UNC5A: variants seen among roughly 807,000 people sequenced by gnomAD.
The protein encoded by UNC5A is unc-5 netrin receptor A.
A neutral mutation model predicts 87.4 loss-of-function variants in UNC5A; 20 were observed. The observed-to-expected ratio is 0.23, with a 90% CI of 0.16 to 0.33. The LOEUF (loss-of-function observed/expected upper bound fraction) is 0.33, where lower values mean the gene tolerates loss of function less well. UNC5A is among the 10% of genes least tolerant of loss of function. The pLI is 1.00. For missense variants in UNC5A, 844 were observed against 1,133.4 expected, an observed-to-expected ratio of 0.74 and a Z score of 3.67; for synonymous variants, 438 against 482.3, an observed-to-expected ratio of 0.91 and a Z score of 1.20.
At chr5:176,867,277 C>G (rs922471616) in intron 2 of UNC5A, among the ~76,000 whole-genome samples, 1 of 152,138 alleles carries the variant, frequency 6.6e-6, no homozygotes, top group Non-Finnish European at 1.5e-5. Flanking sequence ...GCTGCCCCCG[C>G]TCCTGAGTTG....
intron 1 of UNC5A, among the ~76,000 whole-genome samples, chr5:176,839,898 C>A (rs1488951651): frequency 1.3e-5 from 2 of 151,028 alleles, no homozygotes. Context: ...CTCACTGCAG[C>A]CTCCACCTCC....
chr5:176,826,636 C>CTTTTTT (rs34466725), intron 1 of UNC5A, among the ~76,000 whole-genome samples: 1 of 72,744 alleles, frequency 1.4e-5, no homozygotes, highest in African/African-American at 4.5e-5. Flanking sequence ...AGTTTCCAAA[C>CTTTTTT]TTTTTTTTTT....
intron 1 of UNC5A, among the ~76,000 whole-genome samples, chr5:176,812,182 C>T (rs925453242): frequency 1.6e-4 from 25 of 152,120 alleles, no homozygotes; most frequent in African/African-American, 4.8e-4. Flanking sequence ...TGTCCGTGTC[C>T]GCCACATGTG....
chr5:176,834,723 C>T (rs1012563149), intron 1 of UNC5A, among the ~76,000 whole-genome samples: 16 of 149,994 alleles, frequency 1.1e-4, no homozygotes, highest in Non-Finnish European at 1.8e-4. Context: ...GTCTCTCTCT[C>T]CCTCCTCTCC....
In UNC5A at chr5:176,848,325, G is replaced by C. The variant is rs906437910; in HGVS notation, c.71-14299G>C. 6.6e-6 allele frequency among the ~76,000 whole-genome samples: 1 copy of C among 152,112 alleles called. No individual in the cohort carries two copies. The highest frequency in any genetic ancestry group is 2.4e-5 in the African/African-American group (1 of 41,400). On this transcript the variant is annotated intron_variant, in intron 1 of 14. Coordinates refer to ENST00000329542, the MANE Select transcript of UNC5A (RefSeq NM_133369.3). The surrounding 1 kb of genome is among the most constrained non-coding windows in gnomAD (Gnocchi z 5.8). ...AGGGATCTGAGGCCCTGGGACTCAG[G>C]GCCCAGACAGGGCAGCGGCTCATCT...
At chr5:176,852,336 AAC>A (rs966125804) in intron 1 of UNC5A, among the ~76,000 whole-genome samples, 4 of 150,996 alleles carry the variant, frequency 2.6e-5, no homozygotes, top group Admixed American at 1.3e-4. Flanking sequence ...CACACACAGA[AAC>A]ACACACAGAA....
At chr5:176,855,345 C>T (rs1040443075) in intron 1 of UNC5A, among the ~76,000 whole-genome samples, 4 of 152,228 alleles carry the variant, frequency 2.6e-5, no homozygotes, top group African/African-American at 7.2e-5. Flanking sequence ...AAAAACCCGA[C>T]CAAGATGCTG....
chr5:176,864,780 T>C (rs1481465697), intron 2 of UNC5A: 1 of 455,190 alleles, frequency 2.2e-6, no homozygotes, highest in Admixed American at 2.4e-5. Flanking sequence ...AGTTATGCTC[T>C]CAGGGCAGTG....
chr5:176,810,960 G>A lies in UNC5A; in HGVS notation c.70+140G>A, dbSNP rs1399123955. The A allele has an allele frequency of 1.5e-6, 1 of 688,382 alleles. No individual in the cohort carries two copies. Among genetic ancestry groups the A allele is most frequent in the Non-Finnish European group, 1.9e-6 (1 of 526,568 alleles). The allele number at this position is 688,382 out of a possible 1,614,324, so 42.6% of individuals were successfully genotyped here. On this transcript the variant is annotated intron_variant, in intron 1 of 14. Transcript: ENST00000329542. This position sits in a 1 kb window ranked among gnomAD's most constrained non-coding sequence, Gnocchi z 7.3. ...GCCAAACTTTGCGAGGCGGGACGCG[G>A]GGGGCTCTTCTTGCTGCTGCGCAGC...
At chr5:176,833,474 T>G (rs1757072667) in intron 1 of UNC5A, among the ~76,000 whole-genome samples, 1 of 152,236 alleles carries the variant, frequency 6.6e-6, no homozygotes, top group African/African-American at 2.4e-5. Flanking sequence ...CATGATTTCA[T>G]TCTTTTTTAT....
Position 176,879,855 on chromosome 5 carries a change from G to A in UNC5A, c.2498G>A (p.Gly833Asp). The A allele has an allele frequency of 6.2e-7, 1 of 1,612,272 alleles. No homozygotes were observed. The highest frequency in any genetic ancestry group is 1.1e-5 in the South Asian group (1 of 91,058). ...GCTGGACTGGGCCAGCCAGACGCTG[G>A]CCTCTTCACAGTGTCGGAGGCTGAG... ...AVAGLGQPDAGLFTVSEAEC is the reference protein window; with the variant it reads ...AVAGLGQPDADLFTVSEAEC The change falls in exon 15 of 15, where the codon GGC (glycine) becomes GAC (aspartate). Residue 833 changes from glycine to aspartate, a missense_variant. This residue lies in a region of UNC5A where 177 missense variants were observed against 279.4 expected (regional missense o/e 0.63). Coordinates refer to ENST00000329542, the MANE Select transcript of UNC5A (RefSeq NM_133369.3).
intron 1 of UNC5A, 58 bp from the exon 2 acceptor site, chr5:176,862,566 T>C: frequency 6.5e-7 from 1 of 1,528,514 alleles, no homozygotes. Context: ...GCTGAGCCGC[T>C]GCCTCTACCC....
Position 176,879,701 on chromosome 5 carries a change from G to A in UNC5A, c.2364-20G>A, listed in dbSNP as rs200680487. The A allele has an allele frequency of 1.7e-5, 28 of 1,609,726 alleles. No individual in the cohort carries two copies. Among genetic ancestry groups the A allele is most frequent in the African/African-American group, 2.7e-5 (2 of 74,930 alleles). On this transcript the variant is annotated intron_variant, in intron 14 of 14. Transcript: ENST00000329542. ...GCTGGGGCCAGGCCAGGCTGCTGAC[G>A]GCCCCCCTCCCCTCCACAGCCATCT...
At chr5:176,818,833 C>T (rs1274809383) in intron 1 of UNC5A, among the ~76,000 whole-genome samples, 2 of 152,174 alleles carry the variant, frequency 1.3e-5, no homozygotes, top group East Asian at 3.8e-4. Flanking sequence ...GCCTCCTGAC[C>T]CCACCTAGTG....
intron 1 of UNC5A, among the ~76,000 whole-genome samples, chr5:176,833,103 C>T (rs1757066135): frequency 6.6e-6 from 1 of 152,310 alleles, no homozygotes; most frequent in East Asian, 1.9e-4. Flanking sequence ...CCTCTCAGGC[C>T]GAGGCCAAGT....
At chr5:176,817,286 T>A (rs1406353214) in intron 1 of UNC5A, among the ~76,000 whole-genome samples, 1 of 56,548 alleles carries the variant, frequency 1.8e-5, no homozygotes. Context: ...GGGGAGGGGG[T>A]GGGGGGAAGG....
chr5:176,834,084 C>T (rs1257772301), intron 1 of UNC5A, among the ~76,000 whole-genome samples: 2 of 152,180 alleles, frequency 1.3e-5, no homozygotes. Context: ...CTGTGCTGGG[C>T]TCTAAGCTGG....
intron 1 of UNC5A, among the ~76,000 whole-genome samples, chr5:176,828,176 A>G (rs1351460055): frequency 6.6e-6 from 1 of 152,178 alleles, no homozygotes; most frequent in Non-Finnish European, 1.5e-5. Flanking sequence ...ATGCGGCTAC[A>G]AACAATGCGG....
Position 176,877,627 on chromosome 5 carries a change from T to C in UNC5A, c.1559T>C (p.Met520Thr). ...CTCACCCGGCCAGTCATCCTGGCTATGGACCACTGTGGGGAGCCCAGCCCT... is the reference window on the plus strand; with the variant it reads ...CTCACCCGGCCAGTCATCCTGGCTACGGACCACTGTGGGGAGCCCAGCCCT... ...VLLTRPVILA[M>T]DHCGEPSPDS... The change falls in exon 10 of 15, where the codon ATG (methionine) becomes ACG (threonine). Residue 520 changes from methionine to threonine, a missense_variant. Physicochemically the swap from Met to Thr is moderately conservative, Grantham distance 81. Transcript: ENST00000329542. The C allele has an allele frequency of 6.2e-7, 1 of 1,612,670 alleles. No homozygotes were observed. The highest frequency in any genetic ancestry group is 8.5e-7 in the Non-Finnish European group (1 of 1,179,768).
Sources: gnomAD v4.1 joint callset for allele counts (sites outside exome capture counted in the v4.1 genomes callset) on GRCh38, gnomAD v4.1.1 for gene constraint, gnomAD v4.1.1 regional missense constraint, Gnocchi (gnomAD v3.1) non-coding constraint, MANE v1.5 for transcripts, NCBI Gene and HGNC (gene_info 2026-07-23, HGNC 2026-07-21) for gene names.